WWOX: variants seen among roughly 807,000 people sequenced by gnomAD.
WWOX encodes WW domain-containing oxidoreductase.
Under a neutral mutation model 46.2 loss-of-function variants are expected in WWOX, and 69 were observed. The observed-to-expected ratio is 1.49, with a 90% confidence interval of 1.23 to 1.82. WWOX has a LOEUF of 1.82. WWOX is among the 40% of genes most tolerant of loss of function. WWOX has a pLI of 0.00. For missense variants in WWOX, 919 were observed against 542.6 expected (o/e 1.69, Z -6.89); for synonymous variants, 359 against 202.6 (o/e 1.77, Z -6.56).
chr16:78,959,293 G>A (rs1191460149), intron 8 of WWOX, among the ~76,000 whole-genome samples: 1 of 152,158 alleles, frequency 6.6e-6, no homozygotes, highest in African/African-American at 2.4e-5. Flanking sequence ...TTTTCAAAAG[G>A]CATGTATTTT....
intron 8 of WWOX, among the ~76,000 whole-genome samples, chr16:78,814,957 T>G (rs1306409677): frequency 6.6e-6 from 1 of 152,184 alleles, no homozygotes; most frequent in Non-Finnish European, 1.5e-5. Context: ...CCTTTCTTCT[T>G]CTGGTTGGAT....
intron 8 of WWOX, among the ~76,000 whole-genome samples, chr16:79,128,056 T>A (rs774282786): frequency 2.6e-5 from 4 of 152,042 alleles, no homozygotes; most frequent in Non-Finnish European, 5.9e-5. Flanking sequence ...GCAGGGGAGA[T>A]GCTGATGATT....
intron 8 of WWOX, among the ~76,000 whole-genome samples, chr16:78,581,384 C>G (rs867262000): frequency 2.9e-4 from 44 of 152,202 alleles, no homozygotes; most frequent in African/African-American, 1.1e-3. Context: ...ATAGATAATA[C>G]AGAATGAGCC....
chr16:78,636,539 C>A (rs947268157), intron 8 of WWOX, among the ~76,000 whole-genome samples: 1 of 152,100 alleles, frequency 6.6e-6, no homozygotes, highest in African/African-American at 2.4e-5. Context: ...AGTAGCTGCC[C>A]TCCCCATCCG....
At chr16:78,593,956 C>G (rs2045414240) in intron 8 of WWOX, among the ~76,000 whole-genome samples, 1 of 152,158 alleles carries the variant, frequency 6.6e-6, no homozygotes, top group Admixed American at 6.5e-5. Flanking sequence ...GCGTCTTTGT[C>G]CCACTATCAT....
intron 5 of WWOX, among the ~76,000 whole-genome samples, chr16:78,340,016 G>GT (rs554305184): frequency 0.042 from 1,506 of 36,062 alleles, 580 homozygotes; most frequent in South Asian, 0.083. Flanking sequence ...CATGGATTTG[G>GT]TGGGGGGGGG....
intron 8 of WWOX, among the ~76,000 whole-genome samples, chr16:78,756,268 C>T (rs1281993598): frequency 6.6e-5 from 10 of 152,064 alleles, no homozygotes; most frequent in Non-Finnish European, 4.4e-5. Context: ...GTCATGTTGG[C>T]AGACAGTTTT....
chr16:79,160,950 G>C, intron 8 of WWOX, among the ~76,000 whole-genome samples: 1 of 152,176 alleles, frequency 6.6e-6, no homozygotes, highest in South Asian at 2.1e-4. Flanking sequence ...GTGTATACAT[G>C]CTATATATAA....
intron 5 of WWOX, among the ~76,000 whole-genome samples, chr16:78,216,999 A>G (rs2036744048): frequency 6.6e-6 from 1 of 152,322 alleles, no homozygotes; most frequent in African/African-American, 2.4e-5. Context: ...CCGGGATTAC[A>G]GGTGTGAGCC....
intron 5 of WWOX, among the ~76,000 whole-genome samples, chr16:78,203,674 A>C (rs1360385073): frequency 6.6e-6 from 1 of 152,176 alleles, no homozygotes; most frequent in Non-Finnish European, 1.5e-5. Flanking sequence ...CTGGGGAGGA[A>C]TTTATGGATA....
intron 8 of WWOX, among the ~76,000 whole-genome samples, chr16:78,801,810 A>T (rs2050897958): frequency 6.6e-6 from 1 of 152,202 alleles, no homozygotes; most frequent in South Asian, 2.1e-4. Flanking sequence ...TTAGGAGATT[A>T]AAGCTGTGTA....
intron 8 of WWOX, among the ~76,000 whole-genome samples, chr16:78,905,031 C>G (rs189312256): frequency 3.9e-5 from 6 of 152,276 alleles, no homozygotes; most frequent in Admixed American, 1.3e-4. Context: ...TATTTTCATT[C>G]CTTCCACTTC....
At chr16:78,506,480 C>G (rs1007432135) in intron 8 of WWOX, 11 of 152,318 alleles carry the variant, frequency 7.2e-5, no homozygotes, top group African/African-American at 2.6e-4. Context: ...AAGACTGCCT[C>G]CGCCCACTCA....
chr16:78,716,956 G>A (rs2048578393), intron 8 of WWOX, among the ~76,000 whole-genome samples: 1 of 152,186 alleles, frequency 6.6e-6, no homozygotes, highest in Admixed American at 6.5e-5. Flanking sequence ...AAGATCAGAG[G>A]ATAAGGAATG....
intron 8 of WWOX, among the ~76,000 whole-genome samples, chr16:78,964,725 G>T (rs1245378732): frequency 6.6e-6 from 1 of 151,868 alleles, no homozygotes; most frequent in Non-Finnish European, 1.5e-5. Flanking sequence ...GGCCATGTCA[G>T]AGACTTTCAC....
intron 8 of WWOX, among the ~76,000 whole-genome samples, chr16:79,153,592 G>C (rs5029636): frequency 0.016 from 2,466 of 152,194 alleles, 32 homozygotes; most frequent in Middle Eastern, 0.027. Context: ...ACAATCAGTT[G>C]CCTGTCCAAA....
At chr16:79,188,883 C>G (rs557488733) in intron 8 of WWOX, among the ~76,000 whole-genome samples, 2 of 152,306 alleles carry the variant, frequency 1.3e-5, no homozygotes, top group South Asian at 4.1e-4. Flanking sequence ...AGTATTCACA[C>G]TTGTGTGTGA....
chr16:78,660,282 A>G (rs2047180750), intron 8 of WWOX, among the ~76,000 whole-genome samples: 2 of 152,162 alleles, frequency 1.3e-5, no homozygotes, highest in African/African-American at 4.8e-5. Context: ...GCCCATCACT[A>G]AAATGCACTT....
chr16:78,322,449 C>A (rs371439645), intron 5 of WWOX, among the ~76,000 whole-genome samples: 2 of 152,168 alleles, frequency 1.3e-5, no homozygotes, highest in Non-Finnish European at 2.9e-5. Flanking sequence ...AAGGTTTTCA[C>A]GCTTGTGCCT....
Sources: gnomAD v4.1 joint callset for allele counts (sites outside exome capture counted in the v4.1 genomes callset) on GRCh38, gnomAD v4.1.1 for gene constraint, MANE v1.5 for transcripts, NCBI Gene and HGNC (gene_info 2026-07-23, HGNC 2026-07-21) for gene names.